Variants in VWA8 observed in about 807,000 individuals in gnomAD.
VWA8 encodes von Willebrand factor A domain-containing protein 8.
Under a neutral mutation model 241.5 loss-of-function variants are expected in VWA8, and 221 were observed. That is an observed-to-expected ratio of 0.91 (90% CI 0.82 to 1.02). The LOEUF is 1.02. Ranked by LOEUF, VWA8 falls within the 50% of genes least tolerant of loss-of-function variation. The pLI is 0.00. For synonymous variants in VWA8, 852 were observed against 827.1 expected (o/e 1.03, Z -0.52); for missense variants, 2,322 against 2,328.7 (o/e 1.00, Z 0.06).
intron 17 of VWA8, among the ~76,000 whole-genome samples, chr13:41,806,027 T>G (rs1870190765): frequency 6.7e-6 from 1 of 148,792 alleles, no homozygotes; most frequent in Admixed American, 6.7e-5. Flanking sequence ...AGAAATGATG[T>G]CAAGTATCTT....
At chr13:41,762,081 T>C (rs954034135) in intron 20 of VWA8, among the ~76,000 whole-genome samples, 3 of 152,102 alleles carry the variant, frequency 2.0e-5, no homozygotes, top group Admixed American at 6.6e-5. Flanking sequence ...TGAAACTTTT[T>C]GAGCACCAAC....
At chr13:41,889,537 C>A (rs1187279012) in intron 5 of VWA8, among the ~76,000 whole-genome samples, 1 of 152,036 alleles carries the variant, frequency 6.6e-6, no homozygotes, top group Non-Finnish European at 1.5e-5. Context: ...TGCCACCACG[C>A]CCAGCTAATT....
intron 2 of VWA8, among the ~76,000 whole-genome samples, chr13:41,928,365 A>C (rs543530496): frequency 6.6e-6 from 1 of 152,212 alleles, no homozygotes; most frequent in African/African-American, 2.4e-5. Context: ...AACAAGCCTT[A>C]ACAAATTTAG....
At chr13:41,825,903 A>C (rs537216072) in intron 14 of VWA8, among the ~76,000 whole-genome samples, 1 of 152,336 alleles carries the variant, frequency 6.6e-6, no homozygotes, top group South Asian at 2.1e-4. Context: ...CATATTACTT[A>C]TAAGAACAAC....
chr13:41,702,574 T>A (rs1233761083), intron 27 of VWA8, among the ~76,000 whole-genome samples: 1 of 152,224 alleles, frequency 6.6e-6, no homozygotes, highest in Non-Finnish European at 1.5e-5. Context: ...CACAGCCTGT[T>A]TTTTTTGTAA....
At chr13:41,648,415 A>G (rs375884329) in intron 37 of VWA8, among the ~76,000 whole-genome samples, 1 of 152,304 alleles carries the variant, frequency 6.6e-6, no homozygotes, top group Middle Eastern at 3.4e-3. Context: ...GGAGGTGGGC[A>G]TTATTTCCCC....
intron 21 of VWA8, among the ~76,000 whole-genome samples, chr13:41,741,626 T>G (rs1186205040): frequency 6.6e-6 from 1 of 152,210 alleles, no homozygotes; most frequent in African/African-American, 2.4e-5. Flanking sequence ...TCTATCATTA[T>G]GCCTTCAACA....
chr13:41,947,988 T>TA (rs1247016897), intron 2 of VWA8, among the ~76,000 whole-genome samples: 1 of 146,002 alleles, frequency 6.8e-6, no homozygotes, highest in Non-Finnish European at 1.5e-5. Flanking sequence ...CTTGAAATGT[T>TA]AAACATAGAG....
intron 20 of VWA8, among the ~76,000 whole-genome samples, chr13:41,773,591 T>C (rs1292040167): frequency 6.6e-6 from 1 of 152,214 alleles, no homozygotes; most frequent in Non-Finnish European, 1.5e-5. Context: ...TACTCCCTCG[T>C]ACCCACCAAA....
intron 2 of VWA8, among the ~76,000 whole-genome samples, chr13:41,918,587 A>G (rs1555241631): frequency 1.3e-5 from 2 of 152,172 alleles, no homozygotes; most frequent in Non-Finnish European, 2.9e-5. Flanking sequence ...ATCTTTTTAT[A>G]TTGTTTTGAT....
At chr13:41,775,740 T>C (rs1007426355) in intron 20 of VWA8, among the ~76,000 whole-genome samples, 1 of 152,224 alleles carries the variant, frequency 6.6e-6, no homozygotes, top group Non-Finnish European at 1.5e-5. Flanking sequence ...TTAGATTTTA[T>C]GCCAAGGTTT....
chr13:41,673,815 G>A (rs2045041827), intron 36 of VWA8, among the ~76,000 whole-genome samples: 1 of 152,112 alleles, frequency 6.6e-6, no homozygotes, highest in South Asian at 2.1e-4. Flanking sequence ...AGCTGGCTCT[G>A]GGCTGTGCAC....
At chr13:41,598,755 G>A (rs933330310) in intron 40 of VWA8, among the ~76,000 whole-genome samples, 3 of 151,662 alleles carry the variant, frequency 2.0e-5, no homozygotes, top group Non-Finnish European at 4.4e-5. Context: ...AGGTTTCAGG[G>A]ACAACTAATG....
intron 12 of VWA8, among the ~76,000 whole-genome samples, chr13:41,849,886 CA>C (rs201079950): frequency 1.2e-3 from 153 of 130,664 alleles, no homozygotes; most frequent in Admixed American, 1.1e-3. Flanking sequence ...GACTCTGTCT[CA>C]AAAAAAAAAA....
intron 2 of VWA8, among the ~76,000 whole-genome samples, chr13:41,949,313 A>G (rs1878011959): frequency 6.6e-6 from 1 of 152,236 alleles, no homozygotes; most frequent in Non-Finnish European, 1.5e-5. Flanking sequence ...TGATGAGTTC[A>G]TGTCCTTTGC....
chr13:41,698,323 C>T (rs1313357144), intron 29 of VWA8, among the ~76,000 whole-genome samples: 1 of 151,870 alleles, frequency 6.6e-6, no homozygotes, highest in Admixed American at 6.6e-5. Context: ...TATACAAAAA[C>T]ATTAGGCTCC....
At chr13:41,899,072 TG>T (rs1489502044) in intron 4 of VWA8, among the ~76,000 whole-genome samples, 2 of 152,192 alleles carry the variant, frequency 1.3e-5, no homozygotes, top group African/African-American at 2.4e-5. Flanking sequence ...GCCGCCAAAG[TG>T]GGAGCCCAGG....
At chr13:41,868,656 C>T (rs763702947) in intron 9 of VWA8, among the ~76,000 whole-genome samples, 179 bp from the exon 10 acceptor site, 7 of 151,836 alleles carry the variant, frequency 4.6e-5, no homozygotes, top group East Asian at 1.9e-4. Context: ...GAGGCCAAGG[C>T]GGGCGGATCA....
chr13:41,737,295 A>G (rs2045533411), intron 21 of VWA8, among the ~76,000 whole-genome samples: 1 of 152,218 alleles, frequency 6.6e-6, no homozygotes, highest in Non-Finnish European at 1.5e-5. Flanking sequence ...CTTTCACAAG[A>G]CCTATTTTAA....
Sources: gnomAD v4.1 joint callset for allele counts (sites outside exome capture counted in the v4.1 genomes callset) on GRCh38, gnomAD v4.1.1 for gene constraint, MANE v1.5 for transcripts, NCBI Gene and HGNC (gene_info 2026-07-23, HGNC 2026-07-21) for gene names.